CCSER1: variants seen among roughly 807,000 people sequenced by gnomAD.
CCSER1 encodes the protein coiled-coil serine rich protein 1, also known as serine-rich coiled-coil domain-containing protein 1.
Under a neutral mutation model 82.0 loss-of-function variants are expected in CCSER1, and 41 were observed. That is an observed-to-expected ratio of 0.50 (90% CI 0.39 to 0.65). CCSER1 has a LOEUF of 0.65. Among genes scored for constraint, CCSER1 ranks in the 30% least tolerant of loss-of-function variants. The pLI is 0.00. For synonymous variants in CCSER1, 414 were observed against 383.9 expected (o/e 1.08, Z -0.92); for missense variants, 1,119 against 1,064.2 (o/e 1.05, Z -0.72).
chr4:90,992,289 G>C (rs1055477156), intron 9 of CCSER1, among the ~76,000 whole-genome samples: 1 of 152,000 alleles, frequency 6.6e-6, no homozygotes, highest in African/African-American at 2.4e-5. Flanking sequence ...GATACATCGA[G>C]TGGGAATTCT....
intron 1 of CCSER1, among the ~76,000 whole-genome samples, chr4:90,275,054 A>G (rs1177223498): frequency 6.6e-6 from 1 of 152,116 alleles, no homozygotes; most frequent in East Asian, 1.9e-4. Context: ...TTCCATTGTA[A>G]TCTCTTTCTA....
intron 6 of CCSER1, among the ~76,000 whole-genome samples, chr4:90,647,705 C>A (rs575829964): frequency 2.0e-5 from 3 of 151,986 alleles, no homozygotes; most frequent in African/African-American, 7.2e-5. Flanking sequence ...ATTGTAGAGT[C>A]GGGTGTAGGA....
At chr4:90,749,492 T>G (rs999947280) in intron 7 of CCSER1, among the ~76,000 whole-genome samples, 26 of 152,206 alleles carry the variant, frequency 1.7e-4, no homozygotes, top group African/African-American at 6.3e-4. Flanking sequence ...GCTTTGTTCT[T>G]TTGGCTTAGG....
chr4:91,543,584 A>ATTCCATAT, intron 10 of CCSER1, among the ~76,000 whole-genome samples: 1 of 152,168 alleles, frequency 6.6e-6, no homozygotes, highest in Middle Eastern at 3.4e-3. Context: ...TGGATATGAA[A>ATTCCATAT]TCTGAGTTGA....
At chr4:90,706,102 A>G (rs1201865308) in intron 6 of CCSER1, among the ~76,000 whole-genome samples, 1 of 152,188 alleles carries the variant, frequency 6.6e-6, no homozygotes, top group Non-Finnish European at 1.5e-5. Context: ...GTTCCTATTC[A>G]GCCATCTTGG....
At chr4:90,532,036 T>A (rs753779485) in intron 5 of CCSER1, among the ~76,000 whole-genome samples, 6 of 152,124 alleles carry the variant, frequency 3.9e-5, no homozygotes. Flanking sequence ...AAAGAAAATA[T>A]GTTTGTAAGA....
chr4:91,532,977 A>T (rs113627926), intron 10 of CCSER1, among the ~76,000 whole-genome samples: 105 of 152,296 alleles, frequency 6.9e-4, no homozygotes, highest in African/African-American at 2.4e-3. Context: ...ATACCAAAGC[A>T]TAATCTTTGC....
intron 3 of CCSER1, among the ~76,000 whole-genome samples, chr4:90,385,611 C>A (rs1432250081): frequency 6.6e-6 from 1 of 151,768 alleles, no homozygotes; most frequent in East Asian, 1.9e-4. Flanking sequence ...AGGCGCTCAC[C>A]ACCACACCTG....
intron 10 of CCSER1, among the ~76,000 whole-genome samples, chr4:91,489,266 G>A (rs190277914): frequency 6.6e-6 from 1 of 152,248 alleles, no homozygotes; most frequent in East Asian, 1.9e-4. Context: ...ATGTAGATGA[G>A]TAAGAGCAGC....
chr4:91,195,834 CT>C (rs1166914000), intron 10 of CCSER1, among the ~76,000 whole-genome samples: 4 of 152,120 alleles, frequency 2.6e-5, no homozygotes, highest in African/African-American at 9.7e-5. Flanking sequence ...CCACTGCAGA[CT>C]TTTTTTCTTA....
intron 9 of CCSER1, among the ~76,000 whole-genome samples, chr4:90,953,594 C>G (rs1733139599): frequency 6.6e-6 from 1 of 151,226 alleles, no homozygotes; most frequent in Admixed American, 6.6e-5. Context: ...ATAAATACAC[C>G]TATACATTCC....
chr4:91,427,066 A>G (rs897263787), intron 10 of CCSER1, among the ~76,000 whole-genome samples: 3 of 152,162 alleles, frequency 2.0e-5, no homozygotes, highest in Non-Finnish European at 2.9e-5. Context: ...AGCTAGTTCC[A>G]GAATCCAGGC....
At chr4:91,173,923 G>T (rs1733035422) in intron 10 of CCSER1, among the ~76,000 whole-genome samples, 1 of 152,060 alleles carries the variant, frequency 6.6e-6, no homozygotes, top group African/African-American at 2.4e-5. Flanking sequence ...AATGTACATT[G>T]GATTTTGTCA....
chr4:90,240,818 G>A (rs909110798), intron 1 of CCSER1, among the ~76,000 whole-genome samples: 6 of 152,104 alleles, frequency 3.9e-5, no homozygotes, highest in African/African-American at 1.4e-4. Context: ...CATTATCCTA[G>A]TTTTCAGTAG....
chr4:91,510,055 A>C (rs1759738372), intron 10 of CCSER1, among the ~76,000 whole-genome samples: 1 of 151,962 alleles, frequency 6.6e-6, no homozygotes, highest in Admixed American at 6.6e-5. Flanking sequence ...GAATCTTCTT[A>C]TGCCCGTGAG....
chr4:90,951,548 G>A (rs1218672419), intron 9 of CCSER1, among the ~76,000 whole-genome samples: 2 of 152,010 alleles, frequency 1.3e-5, no homozygotes, highest in African/African-American at 4.8e-5. Flanking sequence ...TCTACTATTT[G>A]CAGTATATTC....
intron 5 of CCSER1, among the ~76,000 whole-genome samples, chr4:90,603,241 G>C (rs891629243): frequency 6.6e-6 from 1 of 152,218 alleles, no homozygotes; most frequent in African/African-American, 2.4e-5. Context: ...TTGCTATCAG[G>C]TTATCTGGAC....
At chr4:90,829,466 C>T (rs569576854) in intron 8 of CCSER1, among the ~76,000 whole-genome samples, 30 of 152,198 alleles carry the variant, frequency 2.0e-4, no homozygotes, top group African/African-American at 7.0e-4. Flanking sequence ...CAAACATGTT[C>T]ATAACCTATA....
intron 7 of CCSER1, among the ~76,000 whole-genome samples, chr4:90,771,586 A>G (rs1214499228): frequency 6.6e-6 from 1 of 151,064 alleles, no homozygotes; most frequent in African/African-American, 2.4e-5. Flanking sequence ...AAAAAAAGAA[A>G]AGAAAAAAAT....
Sources: gnomAD v4.1 joint callset for allele counts (sites outside exome capture counted in the v4.1 genomes callset) on GRCh38, gnomAD v4.1.1 for gene constraint, MANE v1.5 for transcripts, NCBI Gene and HGNC (gene_info 2026-07-23, HGNC 2026-07-21) for gene names.